The following PCSK9 variants were observed in gnomAD, a reference collection of about 807,000 sequenced individuals.
The protein encoded by PCSK9 is convertase subtilisin/kexin type 9 preproprotein.
PCSK9 carries 57 observed loss-of-function variants against 62.1 expected under a neutral mutation model. That is an observed-to-expected ratio of 0.92 (90% CI 0.74 to 1.14). The LOEUF is 1.14. Ranked by LOEUF, PCSK9 falls within the 50% of genes most tolerant of loss-of-function variation. PCSK9 has a pLI of 0.00. For missense variants in PCSK9, 870 were observed against 959.8 expected (o/e 0.91, Z 1.24); for synonymous variants, 387 against 409.4 (o/e 0.95, Z 0.66).
At chr1:55,053,184 G>C (rs1349761301) in intron 5 of PCSK9, among the ~76,000 whole-genome samples, 1 of 152,050 alleles carries the variant, frequency 6.6e-6, no homozygotes, top group East Asian at 1.9e-4. Flanking sequence ...CTGAGACCAG[G>C]GGACTCACTC....
chr1:55,043,320 G>C (rs1377475783), intron 1 of PCSK9, among the ~76,000 whole-genome samples: 2 of 152,232 alleles, frequency 1.3e-5, no homozygotes, highest in African/African-American at 4.8e-5. Context: ...GACTTTCCCA[G>C]CAGGCCTATG....
intron 2 of PCSK9, among the ~76,000 whole-genome samples, chr1:55,045,898 T>TG (rs1644630584): frequency 6.6e-6 from 1 of 151,984 alleles, no homozygotes; most frequent in Non-Finnish European, 1.5e-5. Flanking sequence ...TTAATAGAGA[T>TG]GGGGTTTCAC....
intron 1 of PCSK9, among the ~76,000 whole-genome samples, chr1:55,041,741 T>G (rs1203453145): frequency 6.6e-6 from 1 of 152,210 alleles, no homozygotes; most frequent in Non-Finnish European, 1.5e-5. Context: ...TTTCCAGAAC[T>G]GACACTCCAC....
chr1:55,063,434 C>T lies in PCSK9; in HGVS notation c.1929C>T (p.His643=), dbSNP rs145770391. ...GCAGTGCCCTCCCTGGGACCTCCCACGTCCTGGGGGCCTACGCCGTAGACA... is the reference window on the plus strand; with the variant it reads ...GCAGTGCCCTCCCTGGGACCTCCCATGTCCTGGGGGCCTACGCCGTAGACA... ...TGCSALPGTS[H]VLGAYAVDNT... Residue 643 remains histidine, a synonymous_variant, in exon 12 of 12, where the codon CAC becomes CAT. Coordinates refer to ENST00000302118, the MANE Select transcript of PCSK9 (RefSeq NM_174936.4). The T allele has an allele frequency of 1.8e-4, 285 of 1,613,982 alleles. No homozygotes were observed. In the African/African-American group the frequency reaches 2.6e-3, roughly 15 times the overall value.
In PCSK9 at chr1:55,058,515, C is replaced by G. The variant is rs771108863; in HGVS notation, c.1371C>G (p.Cys457Trp). Reference protein sequence around the residue: ...STHGAGWQLFCRTVWSAHSGP... With the variant: ...STHGAGWQLFWRTVWSAHSGP... ...TTTTTGCAGGTTGGCAGCTGTTTTG[C>G]AGGACTGTATGGTCAGCACACTCGG... Residue 457 changes from cysteine to tryptophan, a missense_variant, in exon 9 of 12, where the codon TGC becomes TGG. Cys to Trp is a radical substitution (Grantham distance 215). Transcript: ENST00000302118. The G allele has an allele frequency of 1.9e-6, 3 of 1,612,078 alleles. No individual in the cohort carries two copies. The highest frequency in any genetic ancestry group is 2.5e-6 in the Non-Finnish European group (3 of 1,180,028).
In PCSK9 at chr1:55,058,180, C is replaced by A; in HGVS notation, c.1325C>A (p.Ala442Asp). Residue 442 changes from alanine (A) to aspartate (D), a missense_variant, in exon 8 of 12, where the codon GCC becomes GAC. By Grantham distance (126) the Ala-to-Asp change is moderately radical. Transcript: ENST00000302118. ...DQRVLTPNLV[A>D]ALPPSTHGAG... ...CGGGTACTGACCCCCAACCTGGTGG[C>A]CGCCCTGCCCCCCAGCACCCATGGG... 2 of 1,613,332 alleles carry A rather than the reference C, an allele frequency of 1.2e-6. No homozygotes were observed. Among genetic ancestry groups the A allele is most frequent in the Non-Finnish European group, 1.7e-6 (2 of 1,179,984 alleles).
At position 55,056,148 on chromosome 1, in the gene PCSK9, C is replaced by T. The variant is rs746442570; in HGVS notation, c.955C>T (p.Arg319Trp). 3.9e-6 allele frequency: 6 copies of T among 1,542,056 alleles called. No homozygotes were observed. The highest frequency in any genetic ancestry group is 1.8e-4 in the Middle Eastern group (1 of 5,408). The change falls in exon 6 of 12, where the codon CGG becomes TGG. Residue 319 changes from arginine (R) to tryptophan (W), a missense_variant. Physicochemically the swap from Arg to Trp is moderately radical, Grantham distance 101 (BLOSUM62 -3). Transcript: ENST00000302118. ...GCTGGTCACCGCTGCCGGCAACTTC[C>T]GGGACGATGCCTGCCTCTACTCCCC... ...VVLVTAAGNF[R>W]DDACLYSPAS...
chr1:55,058,406 T>G, intron 8 of PCSK9, 93 bp from the exon 9 acceptor site: 1 of 1,584,606 alleles, frequency 6.3e-7, no homozygotes, highest in Non-Finnish European at 8.7e-7. Context: ...AGTATGTTCT[T>G]TAAGCCCTCC....
At chr1:55,063,147 G>A (rs1644775223) in intron 11 of PCSK9, among the ~76,000 whole-genome samples, 1 of 152,122 alleles carries the variant, frequency 6.6e-6, no homozygotes, top group South Asian at 2.1e-4. Flanking sequence ...CTCAAACCAG[G>A]CATGAAGCAG....
chr1:55,059,432 G>A, intron 9 of PCSK9, 54 bp from the exon 10 acceptor site: 1 of 1,540,868 alleles, frequency 6.5e-7, no homozygotes, highest in South Asian at 1.2e-5. Context: ...GTCCCTTTCT[G>A]TGTTTTCAAA....
At position 55,064,714 on chromosome 1, in the gene PCSK9, T is replaced by G. The variant is rs1055787609; in HGVS notation, c.*1130T>G. Reference sequence around the variant, plus strand: ...AGCAGACATTTATCTTTTGGGTCTGTCCTCTCTGTTGCCTTTTTACAGCCA... The same window carrying G: ...AGCAGACATTTATCTTTTGGGTCTGGCCTCTCTGTTGCCTTTTTACAGCCA... On this transcript the variant is annotated 3_prime_UTR_variant, in exon 12 of 12. Coordinates refer to ENST00000302118, the MANE Select transcript of PCSK9 (RefSeq NM_174936.4). 2.6e-5 allele frequency: 4 copies of G among 152,230 alleles called. No individual in the cohort carries two copies. The highest frequency in any genetic ancestry group is 2.6e-4 in the Admixed American group (4 of 15,288). 9.4% of individuals were successfully genotyped at this position (152,230 alleles called of 1,614,324 possible).
chr1:55,041,767 C>T (rs1644599358), intron 1 of PCSK9, among the ~76,000 whole-genome samples: 1 of 152,094 alleles, frequency 6.6e-6, no homozygotes, highest in South Asian at 2.1e-4. Flanking sequence ...AGAGTACTCT[C>T]CCAATTCATT....
At chr1:55,042,033 G>A (rs1265624939) in intron 1 of PCSK9, among the ~76,000 whole-genome samples, 1 of 152,062 alleles carries the variant, frequency 6.6e-6, no homozygotes, top group Non-Finnish European at 1.5e-5. Flanking sequence ...TGCAACATCT[G>A]TCTCCCGGGT....
chr1:55,040,069 G>A lies in PCSK9; in HGVS notation c.207+25G>A, dbSNP rs758110164. On this transcript the variant is annotated intron_variant, in intron 1 of 11. Transcript: ENST00000302118. This position sits in a 1 kb window ranked among gnomAD's most constrained non-coding sequence, Gnocchi z 4.1. ...GGTGCGGGTGTAGGGATGGGAGGCC[G>A]GGGCGAACCCGCAGCCGGGACGGTG... 17 of 1,548,304 alleles carry A rather than the reference G, an allele frequency of 1.1e-5. No individual in the cohort carries two copies. In the Admixed American group the frequency reaches 3.1e-4, roughly 28 times the overall value.
chr1:55,047,737 C>A (rs1300904778), intron 3 of PCSK9, among the ~76,000 whole-genome samples: 2 of 152,148 alleles, frequency 1.3e-5, no homozygotes, highest in Non-Finnish European at 2.9e-5. Flanking sequence ...TGGGGGACAT[C>A]CTCTGGCAAG....
chr1:55,055,956 T>A, intron 5 of PCSK9, 37 bp from the exon 6 acceptor site: 1 of 1,554,246 alleles, frequency 6.4e-7, no homozygotes, highest in Non-Finnish European at 8.8e-7. Flanking sequence ...GGGGAGCAGG[T>A]CTCCCCAAGG....
chr1:55,045,337 A>G (rs540253000), intron 2 of PCSK9, among the ~76,000 whole-genome samples: 1 of 152,116 alleles, frequency 6.6e-6, no homozygotes, highest in Non-Finnish European at 1.5e-5. Context: ...TCTAACCCTG[A>G]GCAAATCCCT....
chr1:55,062,475 C>T (rs924935464), intron 11 of PCSK9, among the ~76,000 whole-genome samples: 6 of 152,134 alleles, frequency 3.9e-5, no homozygotes, highest in African/African-American at 1.2e-4. Flanking sequence ...CCTGGAGCAT[C>T]TATTTTAGTG....
At chr1:55,047,634 A>G (rs1644643503) in intron 3 of PCSK9, among the ~76,000 whole-genome samples, 1 of 152,324 alleles carries the variant, frequency 6.6e-6, no homozygotes, top group Non-Finnish European at 1.5e-5. Flanking sequence ...GTGACTTTGC[A>G]TACACCCAAA....
Sources: allele counts gnomAD v4.1 joint callset (sites outside exome capture counted in the v4.1 genomes callset), GRCh38; gene constraint gnomAD v4.1.1; non-coding constraint Gnocchi (gnomAD v3.1); transcripts MANE v1.5; gene names NCBI Gene and HGNC (gene_info 2026-07-23, HGNC 2026-07-21).